SNRPN: variants seen among roughly 807,000 people sequenced by gnomAD.
The protein encoded by SNRPN is small nuclear ribonucleoprotein polypeptide N.
In SNRPN, 7 loss-of-function variants were observed where a neutral mutation model predicts 25.2. That is an observed-to-expected ratio of 0.28 (90% CI 0.16 to 0.52). The LOEUF is 0.52. Ranked by LOEUF, SNRPN falls within the 20% of genes least tolerant of loss-of-function variation. The pLI is 0.96. For synonymous variants in SNRPN, 124 were observed against 110.6 expected (o/e 1.12, Z -0.76); for missense variants, 196 against 322.5 (o/e 0.61, Z 3.00).
chr15:24,950,780 T>C (rs2062203296), upstream of SNRPN, among the ~76,000 whole-genome samples: 1 of 151,778 alleles, frequency 6.6e-6, no homozygotes, highest in Non-Finnish European at 1.5e-5. Flanking sequence ...ACTCCTGGAT[T>C]CAAGCGATCT....
intron 1 of SNRPN, among the ~76,000 whole-genome samples, chr15:24,958,041 C>T (rs1434393467): frequency 2.6e-5 from 4 of 152,120 alleles, no homozygotes; most frequent in African/African-American, 9.7e-5. Flanking sequence ...TTGTCTAAGG[C>T]AGGGTACTAA....
At position 24,978,257 on chromosome 15, in the gene SNRPN, T is replaced by C. The variant is rs200487846; in HGVS notation, c.624T>C (p.Ala208=). ...GCCCACCAATTGGGCTTCCCCCTGC[T>C]CGAGGGACGCCAATAGGCATGCCGC... ...PMGPPIGLPP[A]RGTPIGMPPP... The change falls in exon 9 of 10, where the codon GCT becomes GCC. Residue 208 remains alanine (A), a synonymous_variant. Transcript: ENST00000390687. The C allele has an allele frequency of 2.5e-5, 40 of 1,613,990 alleles. No individual in the cohort carries two copies. In the African/African-American group the frequency reaches 4.8e-4, roughly 19 times the overall value.
At chr15:24,864,728 A>C (rs914247770) in intron 1 of SNRPN, among the ~76,000 whole-genome samples, 2 of 152,036 alleles carry the variant, frequency 1.3e-5, no homozygotes, top group Non-Finnish European at 2.9e-5. Context: ...AAATTTTGAT[A>C]AGATGCATTT....
chr15:24,829,751 G>A (rs1308625305), intron 1 of SNRPN: 2 of 152,232 alleles, frequency 1.3e-5, no homozygotes, highest in African/African-American at 4.8e-5. Context: ...GGACAAAAGA[G>A]AGTGAAAAGG....
chr15:24,903,082 G>C (rs12917368), intron 2 of SNRPN, among the ~76,000 whole-genome samples: 84,783 of 151,954 alleles, frequency 0.56, 23,650 homozygotes, highest in South Asian at 0.62. Context: ...AATCCTTTAG[G>C]TAGACAGAAA....
At chr15:24,859,474 C>T (rs1458858139) in intron 1 of SNRPN, among the ~76,000 whole-genome samples, 2 of 152,062 alleles carry the variant, frequency 1.3e-5, no homozygotes, top group African/African-American at 4.8e-5. Context: ...TAATGAAATC[C>T]TCAGTCTAAT....
chr15:24,958,385 CCTT>C (rs923462958), intron 1 of SNRPN, among the ~76,000 whole-genome samples: 3 of 139,008 alleles, frequency 2.2e-5, no homozygotes, highest in African/African-American at 8.3e-5. Context: ...GGTCCTGTCT[CCTT>C]TTTTTTTTTT....
chr15:24,855,263 A>G (rs376289229), upstream of SNRPN, among the ~76,000 whole-genome samples: 1 of 152,168 alleles, frequency 6.6e-6, no homozygotes, highest in Admixed American at 6.5e-5. Context: ...TGTATAGATG[A>G]TATTAATCTA....
In SNRPN at chr15:24,863,173, A is replaced by G. The variant is rs117395893; in HGVS notation, c.-579+6457A>G. 3.6e-4 allele frequency among the ~76,000 whole-genome samples: 54 copies of G among 150,866 alleles called. 2 individuals are homozygous for G. In the East Asian group the frequency reaches 9.0e-3, roughly 25 times the overall value. ...GGAGGGGTTGGTGTTGGGGAGGGGCAAGGGTGGGGAAGGGCAGAGAAGTTT... is the reference window on the plus strand; with the variant it reads ...GGAGGGGTTGGTGTTGGGGAGGGGCGAGGGTGGGGAAGGGCAGAGAAGTTT... On this transcript the variant is annotated intron_variant, in intron 1 of 11. Transcript: ENST00000400097.
intron 1 of SNRPN, among the ~76,000 whole-genome samples, chr15:24,879,715 T>A (rs2056396704): frequency 6.6e-6 from 1 of 152,228 alleles, no homozygotes. Flanking sequence ...ATGTTTGCTT[T>A]CTTTTTTAAA....
In SNRPN at chr15:24,968,256, C is replaced by CT. The variant is rs1479305782; in HGVS notation, c.-144+177dup. 7.7e-6 allele frequency: 4 copies of CT among 518,110 alleles called. No individual in the cohort carries two copies. The South Asian group carries it at 8.7e-5, about 11-fold the overall frequency. 32.1% of individuals were successfully genotyped at this position (518,110 alleles called of 1,614,324 possible). ...GGACCTTAAATTTTCTGCCCTGACA[C>CT]TTTCGTCATGTTTCTGTATTCCAGT... On this transcript the variant is annotated intron_variant, in intron 3 of 9. Coordinates refer to ENST00000390687, the MANE Select transcript of SNRPN (RefSeq NM_003097.6).
At chr15:24,915,968 C>CTTTTTTTT (rs35835568) in intron 2 of SNRPN, among the ~76,000 whole-genome samples, 5 of 97,382 alleles carry the variant, frequency 5.1e-5, no homozygotes, top group Admixed American at 1.3e-4. Flanking sequence ...GCCAGGTTGA[C>CTTTTTTTT]TTTTTTTTTT....
chr15:24,894,589 G>T (rs994793545), intron 2 of SNRPN, among the ~76,000 whole-genome samples: 28 of 152,284 alleles, frequency 1.8e-4, no homozygotes, highest in Non-Finnish European at 3.2e-4. Flanking sequence ...GGAGGGAAAG[G>T]ATCAATAACC....
At chr15:24,955,427 G>A (rs2062679403) in intron 1 of SNRPN, among the ~76,000 whole-genome samples, 2 of 151,958 alleles carry the variant, frequency 1.3e-5, no homozygotes, top group Admixed American at 6.6e-5. Flanking sequence ...TTGCAGTTCC[G>A]TGTGGCGAGG....
chr15:24,935,490 C>T (rs1436165165), intron 3 of SNRPN, among the ~76,000 whole-genome samples: 1 of 152,070 alleles, frequency 6.6e-6, no homozygotes, highest in Admixed American at 6.6e-5. Flanking sequence ...GTGACAGGAC[C>T]ATGAGTGGAT....
chr15:24,969,229 A>G lies in SNRPN; in HGVS notation c.-144+1147A>G, dbSNP rs369096922. Among the ~76,000 whole-genome samples the G allele has an allele frequency of 1.7e-3, 258 of 152,158 alleles. 1 individual carries two copies. Among genetic ancestry groups the G allele is most frequent in the African/African-American group, 6.1e-3 (254 of 41,508 alleles). ...CTGCAACCTCTGCCTCCCAGGTTCAACTGATTTTCCTGCCTCAGCCTCCCA... is the reference window on the plus strand; with the variant it reads ...CTGCAACCTCTGCCTCCCAGGTTCAGCTGATTTTCCTGCCTCAGCCTCCCA... On this transcript the variant is annotated intron_variant, in intron 3 of 9. Transcript: ENST00000390687.
At chr15:24,871,519 G>A (rs984870849) in intron 1 of SNRPN, among the ~76,000 whole-genome samples, 3 of 151,894 alleles carry the variant, frequency 2.0e-5, no homozygotes, top group Non-Finnish European at 4.4e-5. Flanking sequence ...GATTTGCATT[G>A]CTGAAGGACT....
intron 1 of SNRPN, among the ~76,000 whole-genome samples, chr15:24,881,987 C>T (rs114833354): frequency 6.8e-4 from 103 of 152,222 alleles, no homozygotes; most frequent in African/African-American, 2.4e-3. Flanking sequence ...ACAGCCTTCT[C>T]CTCATCCACT....
chr15:24,975,055 A>G, intron 4 of SNRPN: 2 of 689,448 alleles, frequency 2.9e-6, no homozygotes, highest in Non-Finnish European at 5.3e-6. Context: ...AACACCCTAC[A>G]TCATTGTGGT....
Sources: gnomAD v4.1 joint callset for allele counts (sites outside exome capture counted in the v4.1 genomes callset) on GRCh38, gnomAD v4.1.1 for gene constraint, MANE v1.5 for transcripts, NCBI Gene and HGNC (gene_info 2026-07-23, HGNC 2026-07-21) for gene names.